RORB: variants seen among roughly 807,000 people sequenced by gnomAD.
RORB encodes RAR related orphan receptor B.
A neutral mutation model predicts 59.1 loss-of-function variants in RORB; 6 were observed. That is an observed-to-expected ratio of 0.10 (90% confidence interval 0.06 to 0.20). RORB has a LOEUF of 0.20. Among genes scored for constraint, RORB ranks in the 10% least tolerant of loss-of-function variants. RORB has a pLI of 1.00. For synonymous variants in RORB, 215 were observed against 204.5 expected (o/e 1.05, Z -0.44); for missense variants, 320 against 560.5 (o/e 0.57, Z 4.33).
intron 1 of RORB, among the ~76,000 whole-genome samples, chr9:74,594,298 A>C (rs921567506): frequency 1.3e-5 from 2 of 152,194 alleles, no homozygotes; most frequent in African/African-American, 2.4e-5. Context: ...CCCATGATGC[A>C]TCCAAGGACT....
intron 4 of RORB, among the ~76,000 whole-genome samples, chr9:74,659,511 T>C (rs140059902): frequency 0.015 from 2,303 of 151,704 alleles, 64 homozygotes; most frequent in African/African-American, 0.053. Flanking sequence ...TTTGCTTCGT[T>C]TTGTTTTGTT....
intron 1 of RORB, among the ~76,000 whole-genome samples, chr9:74,508,294 C>T (rs536573052): frequency 6.6e-6 from 1 of 152,064 alleles, no homozygotes; most frequent in Admixed American, 6.6e-5. Flanking sequence ...TGTGTTTTTG[C>T]TTTGCTTACT....
At chr9:74,589,408 G>A (rs1408700309) in intron 1 of RORB, among the ~76,000 whole-genome samples, 2 of 152,108 alleles carry the variant, frequency 1.3e-5, no homozygotes, top group Admixed American at 6.5e-5. Context: ...TCTTCTAACA[G>A]GGTCCCCATG....
chr9:74,637,879 G>A (rs984050459), intron 3 of RORB, among the ~76,000 whole-genome samples: 2 of 152,080 alleles, frequency 1.3e-5, no homozygotes, highest in Non-Finnish European at 2.9e-5. Flanking sequence ...GTGTTCATTA[G>A]GCACATGCAG....
chr9:74,602,794 G>A (rs1397520133), intron 1 of RORB, among the ~76,000 whole-genome samples: 1 of 152,072 alleles, frequency 6.6e-6, no homozygotes, highest in East Asian at 1.9e-4. Flanking sequence ...TTTATAAATG[G>A]TGAAAATTTT....
intron 1 of RORB, among the ~76,000 whole-genome samples, chr9:74,528,061 GT>G (rs980755233): frequency 2.6e-5 from 4 of 151,960 alleles, no homozygotes; most frequent in Admixed American, 2.6e-4. Context: ...CTATCTATGT[GT>G]TTTTAAAAGA....
chr9:74,561,909 G>T (rs1822401090), intron 1 of RORB, among the ~76,000 whole-genome samples: 1 of 152,084 alleles, frequency 6.6e-6, no homozygotes, highest in African/African-American at 2.4e-5. Context: ...TAGCACTTTT[G>T]ATGAGTACTG....
intron 5 of RORB, 33 bp from the exon 6 acceptor site, chr9:74,662,441 C>A (rs1824203285): frequency 6.2e-7 from 1 of 1,611,464 alleles, no homozygotes; most frequent in Non-Finnish European, 8.5e-7. Context: ...AAGTCGTTTG[C>A]CCTATTTACA....
At position 74,642,029 on chromosome 9, in the gene RORB, T is replaced by G. The variant is rs1199626107; in HGVS notation, c.236-385T>G. On this transcript the variant is annotated intron_variant, in intron 3 of 9. Transcript: ENST00000376896. ...TAATCCTAAAGATTAAGAGAAAAGTTAGTTATGAGTGTTGGTTAACATTTT... is the reference window on the plus strand; with the variant it reads ...TAATCCTAAAGATTAAGAGAAAAGTGAGTTATGAGTGTTGGTTAACATTTT... 2.0e-5 allele frequency among the ~76,000 whole-genome samples: 3 copies of G among 152,182 alleles called. No homozygotes were observed. In the East Asian group the frequency reaches 5.8e-4, roughly 29 times the overall value.
intron 4 of RORB, among the ~76,000 whole-genome samples, chr9:74,657,311 T>G (rs1444152685): frequency 6.6e-6 from 1 of 152,088 alleles, no homozygotes; most frequent in Non-Finnish European, 1.5e-5. Flanking sequence ...GTGATCTGCT[T>G]GCCTTGGCCT....
In RORB at chr9:74,692,574, G is replaced by A. The variant is rs937080208; in HGVS notation, c.*6956G>A. 6.6e-6 allele frequency: 1 copy of A among 152,120 alleles called. No homozygotes were observed. The highest frequency in any genetic ancestry group is 1.5e-5 in the Non-Finnish European group (1 of 68,032). 9.4% of individuals were successfully genotyped at this position (152,120 alleles called of 1,614,324 possible). On this transcript the variant is annotated 3_prime_UTR_variant, in exon 10 of 10. Coordinates refer to ENST00000376896, the MANE Select transcript of RORB (RefSeq NM_006914.4). ...CTGCGCCTGGGGGGCAGCATGGGAG[G>A]GGTACAGTTTGCATCTCATTAGCAT...
At chr9:74,586,600 C>CATGT (rs9314824) in intron 1 of RORB, among the ~76,000 whole-genome samples, 18 of 141,200 alleles carry the variant, frequency 1.3e-4, no homozygotes, top group African/African-American at 4.8e-4. Flanking sequence ...ATGTAATGTC[C>CATGT]GTGTGTGTGT....
chr9:74,564,237 C>A (rs1035606823), intron 1 of RORB, among the ~76,000 whole-genome samples: 1 of 152,072 alleles, frequency 6.6e-6, no homozygotes, highest in South Asian at 2.1e-4. Context: ...CTGTCCATCT[C>A]CCCCATGATG....
intron 6 of RORB, among the ~76,000 whole-genome samples, chr9:74,663,746 T>C (rs1355575911): frequency 6.6e-6 from 1 of 152,154 alleles, no homozygotes; most frequent in Non-Finnish European, 1.5e-5. Flanking sequence ...GTTGTGCTAG[T>C]TGACAGCCTG....
At chr9:74,598,103 A>G (rs907122283) in intron 1 of RORB, among the ~76,000 whole-genome samples, 2 of 152,104 alleles carry the variant, frequency 1.3e-5, no homozygotes, top group Admixed American at 6.5e-5. Flanking sequence ...AATTCCATAT[A>G]TATTTTGCAT....
chr9:74,677,203 C>T (rs1824458174), intron 9 of RORB, among the ~76,000 whole-genome samples: 1 of 152,126 alleles, frequency 6.6e-6, no homozygotes, highest in African/African-American at 2.4e-5. Flanking sequence ...TCCAGCTTTC[C>T]CCATCACACA....
chr9:74,566,436 A>G (rs1314520921), intron 1 of RORB, among the ~76,000 whole-genome samples: 3 of 152,094 alleles, frequency 2.0e-5, no homozygotes, highest in Non-Finnish European at 4.4e-5. Context: ...CTCTACTACT[A>G]TCAACAGTTT....
At chr9:74,547,286 T>C (rs543561856) in intron 1 of RORB, among the ~76,000 whole-genome samples, 1 of 151,654 alleles carries the variant, frequency 6.6e-6, no homozygotes, top group East Asian at 1.9e-4. Context: ...TTAAATAAGG[T>C]GGTGGTTTGA....
intron 1 of RORB, among the ~76,000 whole-genome samples, chr9:74,592,706 G>A (rs1206741228): frequency 6.6e-6 from 1 of 151,858 alleles, no homozygotes; most frequent in Non-Finnish European, 1.5e-5. Flanking sequence ...TCAAAATTTG[G>A]GCCATTGTAA....
Sources: allele counts gnomAD v4.1 joint callset (sites outside exome capture counted in the v4.1 genomes callset), GRCh38; gene constraint gnomAD v4.1.1; transcripts MANE v1.5; gene names NCBI Gene and HGNC (gene_info 2026-07-23, HGNC 2026-07-21).